Variants in TRAPPC12 observed in about 807,000 individuals in gnomAD.
TRAPPC12 encodes the protein trafficking protein particle complex subunit 12, also known as TPR repeat protein 15.
A neutral mutation model predicts 69.2 loss-of-function variants in TRAPPC12; 61 were observed. That is an observed-to-expected ratio of 0.88 (90% CI 0.72 to 1.09). TRAPPC12 has a LOEUF of 1.09. Among genes scored for constraint, TRAPPC12 ranks in the 50% least tolerant of loss-of-function variants. The pLI is 0.00. For synonymous variants in TRAPPC12, 469 were observed against 438.9 expected (o/e 1.07, Z -0.86); for missense variants, 1,101 against 1,016.4 (o/e 1.08, Z -1.13).
At chr2:3,469,149 C>T (rs1665953150) in intron 9 of TRAPPC12, among the ~76,000 whole-genome samples, 1 of 152,184 alleles carries the variant, frequency 6.6e-6, no homozygotes, top group Admixed American at 6.5e-5. Flanking sequence ...AAGTCACTTT[C>T]AAGAAAGCAC....
chr2:3,421,016 G>A (rs1294075826), intron 3 of TRAPPC12, among the ~76,000 whole-genome samples: 2 of 152,084 alleles, frequency 1.3e-5, no homozygotes, highest in Non-Finnish European at 2.9e-5. Context: ...TAACCTCCCC[G>A]CCAGCCTTGC....
intron 11 of TRAPPC12, 92 bp downstream of exon 11, chr2:3,479,025 T>A (rs11890651): frequency 2.4e-5 from 34 of 1,441,698 alleles, no homozygotes; most frequent in South Asian, 8.6e-5. Context: ...GGGCCTGCGC[T>A]CTCTCTCTCC....
intron 3 of TRAPPC12, among the ~76,000 whole-genome samples, chr2:3,404,961 T>A (rs2103477357): frequency 6.6e-6 from 1 of 152,168 alleles, no homozygotes; most frequent in South Asian, 2.1e-4. Context: ...CATTTCTTCC[T>A]CTGCAATGAC....
At chr2:3,458,758 T>C (rs928589057) in intron 7 of TRAPPC12, among the ~76,000 whole-genome samples, 4 of 152,144 alleles carry the variant, frequency 2.6e-5, no homozygotes, top group African/African-American at 7.2e-5. Flanking sequence ...CATGTAGTTA[T>C]CAGAGAGCAG....
At chr2:3,451,758 A>G (rs1664862531) in intron 6 of TRAPPC12, among the ~76,000 whole-genome samples, 1 of 152,280 alleles carries the variant, frequency 6.6e-6, no homozygotes, top group South Asian at 2.1e-4. Flanking sequence ...TCCTGGACTC[A>G]AGCAGTTCTC....
intron 3 of TRAPPC12, 51 bp from the exon 4 acceptor site, chr2:3,421,830 C>A: frequency 1.3e-6 from 2 of 1,536,400 alleles, no homozygotes; most frequent in Non-Finnish European, 1.8e-6. Context: ...GTCATGGATT[C>A]CACCATGCCT....
chr2:3,399,508 CT>C (rs540681644), intron 2 of TRAPPC12, among the ~76,000 whole-genome samples: 118 of 152,312 alleles, frequency 7.7e-4, no homozygotes, highest in South Asian at 1.9e-3. Flanking sequence ...GCCCCTAGGT[CT>C]TTTCCTCAAT....
chr2:3,396,076 G>T (rs912873862), intron 2 of TRAPPC12, among the ~76,000 whole-genome samples: 1 of 152,094 alleles, frequency 6.6e-6, no homozygotes, highest in Non-Finnish European at 1.5e-5. Context: ...CATTGGCCAG[G>T]CTGGTCTTGA....
intron 5 of TRAPPC12, among the ~76,000 whole-genome samples, chr2:3,428,825 C>T (rs926945501): frequency 1.3e-5 from 2 of 152,154 alleles, no homozygotes; most frequent in Non-Finnish European, 1.5e-5. Flanking sequence ...GAGGTCTGTG[C>T]GGTTCTGGGT....
intron 5 of TRAPPC12, among the ~76,000 whole-genome samples, chr2:3,429,323 C>T (rs990211138): frequency 3.9e-5 from 6 of 152,164 alleles, no homozygotes; most frequent in East Asian, 1.9e-4. Context: ...AGAGGATCGG[C>T]GTTGGTCATA....
chr2:3,422,232 A>G (rs1662849921), intron 4 of TRAPPC12, among the ~76,000 whole-genome samples: 1 of 152,156 alleles, frequency 6.6e-6, no homozygotes, highest in African/African-American at 2.4e-5. Context: ...CTCATGGTGG[A>G]ACCGGCATGG....
chr2:3,459,476 G>A lies in TRAPPC12; in HGVS notation c.1604-787G>A, dbSNP rs1665369113. The stretch of plus-strand genomic sequence containing the variant: ...ATTGGTCAGCCCACCCTCCCCCCAG[G>A]GCAGCTCCCAGGGGACCTTTGCAGA... On this transcript the variant is annotated intron_variant, in intron 7 of 11. Coordinates refer to ENST00000324266, the MANE Select transcript of TRAPPC12 (RefSeq NM_016030.6). 2.6e-5 allele frequency among the ~76,000 whole-genome samples: 4 copies of A among 152,252 alleles called. No individual in the cohort carries two copies. The South Asian group carries it at 8.3e-4, about 32-fold the overall frequency.
In TRAPPC12 at chr2:3,387,550, C is replaced by T. The variant is rs572254334; in HGVS notation, c.-4-70C>T. ...AGTCTGCGTCATTTGAATCTATAAG[C>T]AATACTCATTTTTCGGTTGAGGTGA... On this transcript the variant is annotated intron_variant, in intron 1 of 11. Coordinates refer to ENST00000324266, the MANE Select transcript of TRAPPC12 (RefSeq NM_016030.6). 2,079 of 1,183,142 alleles carry T rather than the reference C, an allele frequency of 1.8e-3. 9 individuals are homozygous for T. Among genetic ancestry groups the T allele is most frequent in the South Asian group, 4.4e-3 (270 of 61,610 alleles). 73.3% of individuals were successfully genotyped at this position (1,183,142 alleles called of 1,614,324 possible).
intron 2 of TRAPPC12, among the ~76,000 whole-genome samples, chr2:3,400,403 T>C (rs1402370657): frequency 1.3e-5 from 2 of 151,826 alleles, no homozygotes; most frequent in South Asian, 4.2e-4. Context: ...GGATACTCAC[T>C]GTCTCTGGCG....
chr2:3,390,164 G>A (rs73143394), intron 2 of TRAPPC12, among the ~76,000 whole-genome samples: 2,027 of 152,244 alleles, frequency 0.013, 55 homozygotes, highest in African/African-American at 0.045. Context: ...GGTTTCACCG[G>A]GGACCGCCCC....
At chr2:3,383,544 T>C (rs901727523) in intron 1 of TRAPPC12, among the ~76,000 whole-genome samples, 8 of 151,640 alleles carry the variant, frequency 5.3e-5, no homozygotes, top group East Asian at 3.9e-4. Context: ...GTAGCTGGGA[T>C]TACAGGTGCC....
intron 6 of TRAPPC12, among the ~76,000 whole-genome samples, chr2:3,447,562 G>A (rs950123342): frequency 3.3e-5 from 5 of 152,034 alleles, no homozygotes; most frequent in African/African-American, 9.7e-5. Context: ...CCATAGGGAC[G>A]GTACCAAGCC....
chr2:3,385,512 G>T (rs1660450314), intron 1 of TRAPPC12, among the ~76,000 whole-genome samples: 1 of 151,962 alleles, frequency 6.6e-6, no homozygotes, highest in Non-Finnish European at 1.5e-5. Context: ...GATGTTTTTT[G>T]TTATTATATC....
At chr2:3,436,875 TC>T (rs1341708656) in intron 5 of TRAPPC12, among the ~76,000 whole-genome samples, 3 of 72,976 alleles carry the variant, frequency 4.1e-5, no homozygotes, top group South Asian at 5.9e-4. Context: ...CCTGGATTAA[TC>T]TCCCCACCAC....
Sources: gnomAD v4.1 joint callset for allele counts (sites outside exome capture counted in the v4.1 genomes callset) on GRCh38, gnomAD v4.1.1 for gene constraint, MANE v1.5 for transcripts, NCBI Gene and HGNC (gene_info 2026-07-23, HGNC 2026-07-21) for gene names.